DOCK4: variants seen among roughly 807,000 people sequenced by gnomAD.
DOCK4 encodes the protein dedicator of cytokinesis protein 4.
DOCK4 carries 97 observed loss-of-function variants against 268.1 expected under a neutral mutation model. That is an observed-to-expected ratio of 0.36 (90% CI 0.31 to 0.43). The LOEUF (loss-of-function observed/expected upper bound fraction) is 0.43, where lower values mean the gene tolerates loss of function less well. Ranked by LOEUF, DOCK4 falls within the 20% of genes least tolerant of loss-of-function variation. The pLI is 1.00. For missense variants in DOCK4, 2,145 were observed against 2,455.7 expected, an observed-to-expected ratio of 0.87 and a Z score of 2.67; for synonymous variants, 954 against 887.2, an observed-to-expected ratio of 1.08 and a Z score of -1.34.
intron 12 of DOCK4, among the ~76,000 whole-genome samples, chr7:111,925,471 A>G (rs1793529600): frequency 6.6e-6 from 1 of 152,236 alleles, no homozygotes; most frequent in South Asian, 2.1e-4. Flanking sequence ...AAATGAGTCA[A>G]TGGAGCAAAA....
Position 111,822,438 on chromosome 7 carries a change from A to G in DOCK4, c.2854T>C (p.Phe952Leu), listed in dbSNP as rs1197300875. 3 of 1,613,100 alleles carry G rather than the reference A, an allele frequency of 1.9e-6. No homozygotes were observed. The highest frequency in any genetic ancestry group is 1.1e-5 in the South Asian group (1 of 90,720). The change falls in exon 27 of 53, where the codon TTT (phenylalanine) becomes CTT (leucine). Residue 952 changes from phenylalanine to leucine, a missense_variant. Phe to Leu is a conservative substitution (Grantham distance 22). Around this residue, in one of 2 missense-constraint regions of DOCK4, gnomAD observed 1,598 missense variants for 1,986.7 expected, o/e 0.80. Transcript: ENST00000428084. ...CGTATCAATATTCGGAACACAGTAA[A>G]TATCTGCAGCAGGAAATCCTTGGAT... Reference protein sequence around the residue: ...EELRDFLLQIFTVFRILIRPE... With the variant: ...EELRDFLLQILTVFRILIRPE...
intron 1 of DOCK4, among the ~76,000 whole-genome samples, chr7:112,057,689 C>T (rs1026379038): frequency 6.6e-6 from 1 of 151,912 alleles, no homozygotes; most frequent in African/African-American, 2.4e-5. Flanking sequence ...TTGGGAAGAT[C>T]GCTTGAACCC....
chr7:111,735,187 C>CT lies in DOCK4; in HGVS notation c.5306-21dup. ...TCACAGCTGGAAGGGAATAACACAGCTAAAAACACACGGTCCAGCTTTGCC... is the reference window on the plus strand; with the variant it reads ...TCACAGCTGGAAGGGAATAACACAGCTTAAAAACACACGGTCCAGCTTTGCC... On this transcript the variant is annotated intron_variant, in intron 50 of 52. Transcript: ENST00000428084. 1 of 1,503,328 alleles carries CT rather than the reference C, an allele frequency of 6.7e-7. No homozygotes were observed. The highest frequency in any genetic ancestry group is 9.0e-7 in the Non-Finnish European group (1 of 1,109,122). 93.1% of individuals were successfully genotyped at this position (1,503,328 alleles called of 1,614,324 possible). A position where few individuals can be genotyped will look rare whatever the true frequency, so the allele number is the denominator to read the frequency against.
chr7:111,813,689 C>A (rs1801321302), intron 27 of DOCK4, among the ~76,000 whole-genome samples: 1 of 152,164 alleles, frequency 6.6e-6, no homozygotes, highest in Non-Finnish European at 1.5e-5. Flanking sequence ...CAGATATCAT[C>A]AGTGCAAGTC....
At chr7:112,102,061 A>T (rs1810749308) in intron 1 of DOCK4, among the ~76,000 whole-genome samples, 1 of 151,672 alleles carries the variant, frequency 6.6e-6, no homozygotes, top group South Asian at 2.1e-4. Context: ...CGGTTCTGAG[A>T]CCTTTTCTAA....
chr7:112,204,798 G>A lies in DOCK4; in HGVS notation c.37+1304C>T, dbSNP rs974201826. On this transcript the variant is annotated intron_variant, in intron 1 of 52. Coordinates refer to ENST00000428084, the MANE Select transcript of DOCK4 (RefSeq NM_001363540.2). The stretch of plus-strand genomic sequence containing the variant: ...GACTCCCTGGGAAGGCTTTCCAGAT[G>A]TTTTAAATTGCAGGAAAATGAATTT... 4.6e-5 allele frequency among the ~76,000 whole-genome samples: 7 copies of A among 151,556 alleles called. No individual in the cohort carries two copies. In the East Asian group the frequency reaches 1.4e-3, roughly 29 times the overall value.
chr7:111,729,152 A>T (rs1434196748), intron 52 of DOCK4, among the ~76,000 whole-genome samples: 2 of 152,204 alleles, frequency 1.3e-5, no homozygotes, highest in African/African-American at 4.8e-5. Flanking sequence ...CTCACACTCA[A>T]ATTTGAGTGT....
intron 1 of DOCK4, among the ~76,000 whole-genome samples, chr7:112,185,869 G>A (rs1026677004): frequency 1.3e-5 from 2 of 152,052 alleles, no homozygotes; most frequent in South Asian, 4.1e-4. Context: ...ACTACTGCCA[G>A]GTGGGAAGGT....
Position 111,872,523 on chromosome 7 carries a change from T to C in DOCK4, c.1786A>G (p.Lys596Glu). Residue 596 changes from lysine (K) to glutamate (E), a missense_variant, in exon 18 of 53, where the codon AAG (lysine) becomes GAG (glutamate). By Grantham distance (56) the Lys-to-Glu change is moderately conservative. Transcript: ENST00000428084. ...AATTTAGAGAGACAGCCAGTGATCTTGTCTGGGTGGGTTCTCCATTTCAAA... is the reference window on the plus strand; with the variant it reads ...AATTTAGAGAGACAGCCAGTGATCTCGTCTGGGTGGGTTCTCCATTTCAAA... Reference protein sequence around the residue: ...DLLKWRTHPDKITGCLSKLKE... With the variant: ...DLLKWRTHPDEITGCLSKLKE... 1.2e-6 allele frequency: 2 copies of C among 1,604,764 alleles called. No individual in the cohort carries two copies. Among genetic ancestry groups the C allele is most frequent in the Non-Finnish European group, 1.7e-6 (2 of 1,175,022 alleles).
chr7:112,074,945 C>T (rs957359811), intron 1 of DOCK4, among the ~76,000 whole-genome samples: 1 of 152,212 alleles, frequency 6.6e-6, no homozygotes, highest in Non-Finnish European at 1.5e-5. Flanking sequence ...CTCTTTCCTG[C>T]AGTTGAAACA....
At chr7:112,127,773 G>A (rs2116032640) in intron 1 of DOCK4, among the ~76,000 whole-genome samples, 1 of 152,328 alleles carries the variant, frequency 6.6e-6, no homozygotes, top group East Asian at 1.9e-4. Flanking sequence ...GCTAGCACCT[G>A]TAATCCCTGC....
intron 1 of DOCK4, among the ~76,000 whole-genome samples, chr7:112,055,893 A>G (rs1376254681): frequency 6.6e-6 from 1 of 151,856 alleles, no homozygotes; most frequent in Non-Finnish European, 1.5e-5. Flanking sequence ...CCTGAGTGAC[A>G]GAAGGAGATT....
At chr7:112,124,135 C>T (rs1421528655) in intron 1 of DOCK4, among the ~76,000 whole-genome samples, 1 of 152,054 alleles carries the variant, frequency 6.6e-6, no homozygotes, top group Non-Finnish European at 1.5e-5. Context: ...AGCGATACTC[C>T]CACCTCAGCC....
chr7:112,203,356 A>G (rs915653563), intron 1 of DOCK4, among the ~76,000 whole-genome samples: 1 of 152,222 alleles, frequency 6.6e-6, no homozygotes, highest in African/African-American at 2.4e-5. Flanking sequence ...AATGAATTTA[A>G]TCATTCATTA....
chr7:111,832,675 G>A (rs1004857399), intron 26 of DOCK4, among the ~76,000 whole-genome samples: 11 of 151,896 alleles, frequency 7.2e-5, no homozygotes, highest in African/African-American at 2.4e-4. Flanking sequence ...CTACAGGCAC[G>A]AGCCACCATG....
chr7:112,023,592 A>G (rs1023112099), intron 1 of DOCK4: 3 of 443,468 alleles, frequency 6.8e-6, no homozygotes, highest in Non-Finnish European at 1.3e-5. Flanking sequence ...CCTTTCTACT[A>G]TTTTTTAAAT....
chr7:111,951,000 C>T (rs1233353086), intron 8 of DOCK4, among the ~76,000 whole-genome samples: 1 of 152,192 alleles, frequency 6.6e-6, no homozygotes, highest in African/African-American at 2.4e-5. Flanking sequence ...TCCCCATATA[C>T]TGCCATGTTC....
At position 112,206,201 on chromosome 7, in the gene DOCK4, C is replaced by G; in HGVS notation, c.-63G>C. The G allele has an allele frequency of 6.6e-7, 1 of 1,512,894 alleles. No individual in the cohort carries two copies. 93.7% of individuals were successfully genotyped at this position (1,512,894 alleles called of 1,614,324 possible). ...CCCGCGCCCCTTCTCCGGCTCACAA[C>G]AATGCACAGTCCCCGAGCAGCGCTG... On this transcript the variant is annotated 5_prime_UTR_variant, in exon 1 of 53. Coordinates refer to ENST00000428084, the MANE Select transcript of DOCK4 (RefSeq NM_001363540.2).
chr7:111,768,040 A>T (rs1162289542), intron 37 of DOCK4, among the ~76,000 whole-genome samples: 1 of 152,208 alleles, frequency 6.6e-6, no homozygotes, highest in Non-Finnish European at 1.5e-5. Context: ...ACAATTAAGC[A>T]TGGCTGTGTT....
Sources: gnomAD v4.1 joint callset for allele counts (sites outside exome capture counted in the v4.1 genomes callset) on GRCh38, gnomAD v4.1.1 for gene constraint, gnomAD v4.1.1 regional missense constraint, MANE v1.5 for transcripts, NCBI Gene and HGNC (gene_info 2026-07-23, HGNC 2026-07-21) for gene names.